CDH9: variants seen among roughly 807,000 people sequenced by gnomAD.
CDH9 encodes the protein cadherin 9.
A neutral mutation model predicts 70.9 loss-of-function variants in CDH9; 28 were observed. That is an observed-to-expected ratio of 0.40 (90% CI 0.29 to 0.54). The LOEUF (loss-of-function observed/expected upper bound fraction) is 0.54. Among genes scored for constraint, CDH9 ranks in the 20% least tolerant of loss-of-function variants. The pLI, the probability that CDH9 is intolerant of heterozygous loss-of-function variation, is 0.59. For missense variants in CDH9, 874 were observed against 984.4 expected (o/e 0.89, Z 1.50); for synonymous variants, 409 against 343.1 (o/e 1.19, Z -2.12).
intron 1 of CDH9, among the ~76,000 whole-genome samples, chr5:27,015,027 C>A (rs778666080): frequency 6.6e-6 from 1 of 152,028 alleles, no homozygotes; most frequent in African/African-American, 2.4e-5. Flanking sequence ...GCAAGGATCA[C>A]ATAACCGTAA....
At chr5:26,974,070 C>A (rs1011882031) in intron 2 of CDH9, among the ~76,000 whole-genome samples, 5 of 152,010 alleles carry the variant, frequency 3.3e-5, no homozygotes, top group East Asian at 1.9e-4. Context: ...CATGGTGAAA[C>A]CTCGTCTCTA....
intron 2 of CDH9, among the ~76,000 whole-genome samples, chr5:26,985,863 T>A (rs770756011): frequency 3.6e-4 from 55 of 152,144 alleles, no homozygotes; most frequent in Non-Finnish European, 6.8e-4. Flanking sequence ...AGAACTCATA[T>A]GTTTGACTAA....
chr5:27,013,811 A>C (rs1161991059), intron 1 of CDH9, among the ~76,000 whole-genome samples: 1 of 152,024 alleles, frequency 6.6e-6, no homozygotes, highest in African/African-American at 2.4e-5. Context: ...AAATTATGTA[A>C]CAGTGTCTAA....
At chr5:27,002,214 C>T (rs1232275352) in intron 1 of CDH9, among the ~76,000 whole-genome samples, 1 of 152,114 alleles carries the variant, frequency 6.6e-6, no homozygotes, top group Non-Finnish European at 1.5e-5. Context: ...ATCAAAACCA[C>T]AATGAGATGC....
chr5:26,979,671 A>G (rs549674959), intron 2 of CDH9, among the ~76,000 whole-genome samples: 3 of 151,962 alleles, frequency 2.0e-5, no homozygotes, highest in South Asian at 2.1e-4. Context: ...ATAGACTTAT[A>G]CAGAAAGGCT....
At chr5:26,958,011 T>G (rs1741974546) in intron 2 of CDH9, among the ~76,000 whole-genome samples, 1 of 152,182 alleles carries the variant, frequency 6.6e-6, no homozygotes, top group African/African-American at 2.4e-5. Context: ...ATAATAATTT[T>G]AAGAAGAAAT....
At chr5:27,021,303 C>T (rs1340539677) in intron 1 of CDH9, among the ~76,000 whole-genome samples, 2 of 151,786 alleles carry the variant, frequency 1.3e-5, no homozygotes, top group Admixed American at 6.6e-5. Flanking sequence ...TTATTAATGA[C>T]ATATTAATAG....
chr5:27,000,333 T>C (rs1356305051), intron 1 of CDH9, among the ~76,000 whole-genome samples: 1 of 152,104 alleles, frequency 6.6e-6, no homozygotes, highest in Non-Finnish European at 1.5e-5. Context: ...CTATTATATC[T>C]GAATGGTGAA....
chr5:26,907,078 G>C (rs977128786), intron 3 of CDH9, among the ~76,000 whole-genome samples: 91 of 152,160 alleles, frequency 6.0e-4, no homozygotes, highest in African/African-American at 2.1e-3. Flanking sequence ...TCAGTAAGGT[G>C]AATATAATAA....
intron 1 of CDH9, among the ~76,000 whole-genome samples, chr5:27,015,089 A>G (rs1220663126): frequency 2.6e-5 from 4 of 151,876 alleles, no homozygotes; most frequent in African/African-American, 9.7e-5. Context: ...TATTTCACGT[A>G]AGTAGATTCC....
intron 1 of CDH9, among the ~76,000 whole-genome samples, chr5:27,025,189 C>T (rs1380543121): frequency 6.6e-6 from 1 of 151,960 alleles, no homozygotes; most frequent in Non-Finnish European, 1.5e-5. Flanking sequence ...AGAATATTGG[C>T]ATTACAACTG....
At chr5:26,943,284 G>A (rs892493324) in intron 2 of CDH9, among the ~76,000 whole-genome samples, 5 of 152,052 alleles carry the variant, frequency 3.3e-5, no homozygotes, top group African/African-American at 1.2e-4. Context: ...GGCCGAGGCG[G>A]GCAGATCACC....
intron 2 of CDH9, among the ~76,000 whole-genome samples, chr5:26,948,362 A>G (rs1472683580): frequency 1.3e-5 from 2 of 152,238 alleles, no homozygotes; most frequent in Non-Finnish European, 2.9e-5. Flanking sequence ...CTAGAATTCA[A>G]CAAAATATTC....
At chr5:27,002,977 T>C (rs1742798080) in intron 1 of CDH9, among the ~76,000 whole-genome samples, 2 of 151,936 alleles carry the variant, frequency 1.3e-5, no homozygotes, top group Non-Finnish European at 2.9e-5. Context: ...AAAAGAAGCA[T>C]TGTGTTATAA....
At chr5:27,008,669 G>C (rs920904828) in intron 1 of CDH9, among the ~76,000 whole-genome samples, 1 of 152,032 alleles carries the variant, frequency 6.6e-6, no homozygotes, top group Non-Finnish European at 1.5e-5. Context: ...TATTTGAGAG[G>C]TTCCTTGTAA....
At chr5:26,989,294 ATACT>A (rs1193228835) in intron 1 of CDH9, among the ~76,000 whole-genome samples, 2 of 152,080 alleles carry the variant, frequency 1.3e-5, no homozygotes, top group African/African-American at 4.8e-5. Context: ...AATTTGTATG[ATACT>A]TAATTTAGAA....
At chr5:26,970,714 G>A (rs1166630731) in intron 2 of CDH9, among the ~76,000 whole-genome samples, 1 of 151,582 alleles carries the variant, frequency 6.6e-6, no homozygotes, top group Non-Finnish European at 1.5e-5. Context: ...TTCACTGAAT[G>A]TTTTTCCATA....
At chr5:26,977,472 C>CGTGT (rs34242888) in intron 2 of CDH9, among the ~76,000 whole-genome samples, 72 of 141,792 alleles carry the variant, frequency 5.1e-4, no homozygotes, top group African/African-American at 1.9e-3. Flanking sequence ...TATATGTGTG[C>CGTGT]GTGTGTGTGT....
rs1347014451 is a variant in CDH9, at chr5:26,885,979, A to T, written c.1617T>A (p.Ile539=). ...PEFTLNPNFT[I]VDNKDNTAGI... ...ATTTTCTTATACCTTTATTATCTAC[A>T]ATGGTGAAATTCGGATTGAGAGTAA... Residue 539 remains isoleucine, a synonymous_variant, in exon 10 of 12, where the codon ATT becomes ATA. Transcript: ENST00000231021. 3 of 1,608,474 alleles carry T rather than the reference A, an allele frequency of 1.9e-6. No individual in the cohort carries two copies. Among genetic ancestry groups the T allele is most frequent in the Non-Finnish European group, 2.5e-6 (3 of 1,177,696 alleles).
Sources: gnomAD v4.1 joint callset for allele counts (sites outside exome capture counted in the v4.1 genomes callset) on GRCh38, gnomAD v4.1.1 for gene constraint, MANE v1.5 for transcripts, NCBI Gene and HGNC (gene_info 2026-07-23, HGNC 2026-07-21) for gene names.